The following SGPP1 variants were observed in gnomAD, a reference collection of about 807,000 sequenced individuals.
The protein encoded by SGPP1 is sphingosine-1-phosphate phosphatase 1, also known as hSPP1.
A neutral mutation model predicts 33.0 loss-of-function variants in SGPP1; 21 were observed. The ratio of observed to expected loss-of-function variants is 0.64; its 90% CI spans 0.45 to 0.92. The LOEUF (loss-of-function observed/expected upper bound fraction) is 0.92. Ranked by LOEUF, SGPP1 falls within the 40% of genes least tolerant of loss-of-function variation. SGPP1 has a pLI of 0.00. For synonymous variants in SGPP1, 239 were observed against 241.2 expected, an observed-to-expected ratio of 0.99 and a Z score of 0.08; for missense variants, 543 against 589.4, an observed-to-expected ratio of 0.92 and a Z score of 0.81.
At chr14:63,725,694 T>A in intron 1 of SGPP1, among the ~76,000 whole-genome samples, 1 of 152,156 alleles carries the variant, frequency 6.6e-6, no homozygotes, top group Non-Finnish European at 1.5e-5. Flanking sequence ...AGCAGTACTG[T>A]TTTCAGACTT....
chr14:63,689,102 TA>T, intron 2 of SGPP1, among the ~76,000 whole-genome samples: 1 of 152,300 alleles, frequency 6.6e-6, no homozygotes, highest in East Asian at 1.9e-4. Flanking sequence ...TTTTATTATA[TA>T]GGATTTGATA....
At position 63,724,992 on chromosome 14, in the gene SGPP1, A is replaced by G. The variant is rs190227676; in HGVS notation, c.684+2269T>C. Reference sequence around the variant, plus strand: ...TATAGTGAGACCCCGACTCTTAGGGAAAAAAAAAAGGAAAAAGGTTAAAAA... The same window carrying G: ...TATAGTGAGACCCCGACTCTTAGGGGAAAAAAAAAGGAAAAAGGTTAAAAA... On this transcript the variant is annotated intron_variant, in intron 1 of 2. Coordinates refer to ENST00000247225, the MANE Select transcript of SGPP1 (RefSeq NM_030791.4). Among the ~76,000 whole-genome samples the G allele has an allele frequency of 9.7e-4, 130 of 134,554 alleles. 2 individuals are homozygous for G. The East Asian group carries it at 0.013, about 13-fold the overall frequency. The allele number at this position is 134,554 out of a possible 152,430, so 88.3% of individuals were successfully genotyped here. A position where few individuals can be genotyped will look rare whatever the true frequency, so the allele number is the denominator to read the frequency against.
At chr14:63,719,726 CCTCT>C (rs113048516) in intron 1 of SGPP1, among the ~76,000 whole-genome samples, 12 of 148,746 alleles carry the variant, frequency 8.1e-5, no homozygotes, top group Admixed American at 2.7e-4. Flanking sequence ...TGCCTCTCTC[CCTCT>C]CTCTCTCTAT....
At chr14:63,721,480 T>C (rs1453388053) in intron 1 of SGPP1, among the ~76,000 whole-genome samples, 2 of 152,006 alleles carry the variant, frequency 1.3e-5, no homozygotes, top group Non-Finnish European at 2.9e-5. Context: ...TAAGGACTTA[T>C]AAACTCAGGA....
rs142453636 is a variant in SGPP1, at chr14:63,713,611, C to T, written c.684+13650G>A. Among the ~76,000 whole-genome samples, 883 of 152,168 alleles carry T rather than the reference C, an allele frequency of 5.8e-3. 9 individuals are homozygous for T. The highest frequency in any genetic ancestry group is 0.02 in the African/African-American group (823 of 41,546). On this transcript the variant is annotated intron_variant, in intron 1 of 2. Coordinates refer to ENST00000247225, the MANE Select transcript of SGPP1 (RefSeq NM_030791.4). The stretch of plus-strand genomic sequence containing the variant: ...TCTAAAATCCTGAAAATTAAAAACC[C>T]AAAATATTAAAATCCTGGAATTTGA...
At chr14:63,691,147 T>G (rs1477493362) in intron 2 of SGPP1, among the ~76,000 whole-genome samples, 1 of 152,240 alleles carries the variant, frequency 6.6e-6, no homozygotes, top group Non-Finnish European at 1.5e-5. Flanking sequence ...AAGTGATTCC[T>G]TTTATAACAG....
chr14:63,724,637 A>AAAAAGG (rs946035265), intron 1 of SGPP1, among the ~76,000 whole-genome samples: 3 of 149,536 alleles, frequency 2.0e-5, no homozygotes, highest in African/African-American at 5.0e-5. Context: ...AAAAAAAAAA[A>AAAAAGG]AAAAGGAAAA....
At position 63,727,711 on chromosome 14, in the gene SGPP1, G is replaced by T. The variant is rs1885919360; in HGVS notation, c.234C>A (p.Ala78=). Reference sequence around the variant, plus strand: ...TGGGGGCGCCGCCGCCGTCCGGCTTGGCCGGGCACTGATTGCGGTCGCTCC... The same window carrying T: ...TGGGGGCGCCGCCGCCGTCCGGCTTTGCCGGGCACTGATTGCGGTCGCTCC... ...PPGSDRNQCP[A]KPDGGGAPNG... is the part of the protein sequence containing the mutation. The change falls in exon 1 of 3, where the codon GCC becomes GCA. Residue 78 remains alanine, a synonymous_variant. Coordinates refer to ENST00000247225, the MANE Select transcript of SGPP1 (RefSeq NM_030791.4). 7.2e-7 allele frequency: 1 copy of T among 1,387,964 alleles called. No individual in the cohort carries two copies. Among genetic ancestry groups the T allele is most frequent in the Non-Finnish European group, 9.3e-7 (1 of 1,079,210 alleles). The allele number at this position is 1,387,964 out of a possible 1,614,324, so 86.0% of individuals were successfully genotyped here.
chr14:63,704,560 A>G (rs1320500592), intron 1 of SGPP1, among the ~76,000 whole-genome samples: 2 of 151,888 alleles, frequency 1.3e-5, no homozygotes, highest in Non-Finnish European at 2.9e-5. Flanking sequence ...TTTAGAAGAA[A>G]TCATAGGGGC....
intron 1 of SGPP1, among the ~76,000 whole-genome samples, chr14:63,723,387 C>G (rs1885815679): frequency 6.6e-6 from 1 of 152,122 alleles, no homozygotes; most frequent in Non-Finnish European, 1.5e-5. Flanking sequence ...TTACTTGGAG[C>G]TATACTATTC....
At chr14:63,704,050 C>T (rs1257558416) in intron 1 of SGPP1, among the ~76,000 whole-genome samples, 1 of 152,072 alleles carries the variant, frequency 6.6e-6, no homozygotes, top group Admixed American at 6.5e-5. Flanking sequence ...TGGTCTCCAA[C>T]TCCTGGGCTC....
intron 1 of SGPP1, among the ~76,000 whole-genome samples, chr14:63,724,495 C>G (rs12323754): frequency 6.6e-6 from 1 of 151,634 alleles, no homozygotes; most frequent in Admixed American, 6.6e-5. Flanking sequence ...CCCCCAGTTT[C>G]TAGGGGAAAG....
At position 63,685,404 on chromosome 14, in the gene SGPP1, C is replaced by T. The variant is rs1258911683; in HGVS notation, c.*701G>A. ...TTCAGTACCTGAATTATTAAACTGA[C>T]ATCCAGAATAGCTGCAAATAAAGTT... On this transcript the variant is annotated 3_prime_UTR_variant, in exon 3 of 3. Transcript: ENST00000247225. The T allele has an allele frequency of 1.3e-5, 2 of 152,354 alleles. No homozygotes were observed. The highest frequency in any genetic ancestry group is 3.9e-4 in the East Asian group (2 of 5,186). 9.4% of individuals were successfully genotyped at this position (152,354 alleles called of 1,614,324 possible). A position where few individuals can be genotyped will look rare whatever the true frequency, so the allele number is the denominator to read the frequency against.
intron 1 of SGPP1, among the ~76,000 whole-genome samples, chr14:63,718,990 ATATATATATATATATATATATATATT>A (rs1212727440): frequency 3.1e-4 from 5 of 15,908 alleles, no homozygotes; most frequent in Non-Finnish European, 4.8e-4. Context: ...ATATATATAT[ATATATATATATATATATATATATATT>A]TTTTTTTTTT....
At chr14:63,718,998 A>T (rs1566536615) in intron 1 of SGPP1, among the ~76,000 whole-genome samples, 1 of 21,080 alleles carries the variant, frequency 4.7e-5, no homozygotes, top group Non-Finnish European at 8.8e-5. Flanking sequence ...ATATATATAT[A>T]TATATATATA....
intron 1 of SGPP1, among the ~76,000 whole-genome samples, chr14:63,720,473 T>C (rs1037131169): frequency 6.7e-5 from 10 of 149,888 alleles, no homozygotes; most frequent in Non-Finnish European, 1.0e-4. Context: ...TAATAAACTA[T>C]ATAGGCCGGG....
At chr14:63,708,110 A>G (rs1446990161) in intron 1 of SGPP1, among the ~76,000 whole-genome samples, 1 of 152,128 alleles carries the variant, frequency 6.6e-6, no homozygotes, top group African/African-American at 2.4e-5. Flanking sequence ...CCCATTCCTC[A>G]GTCACAGCAA....
At chr14:63,713,659 T>C (rs35652888) in intron 1 of SGPP1, among the ~76,000 whole-genome samples, 48 of 152,110 alleles carry the variant, frequency 3.2e-4, no homozygotes, top group Non-Finnish European at 6.3e-4. Context: ...AGGGAAGAAA[T>C]TTAGCACATT....
intron 1 of SGPP1, among the ~76,000 whole-genome samples, chr14:63,726,984 A>G (rs565656322): frequency 3.9e-5 from 6 of 152,314 alleles, no homozygotes; most frequent in Middle Eastern, 3.4e-3. Context: ...CCAAAGCCCA[A>G]TGACAATGTA....
Sources: allele counts gnomAD v4.1 joint callset (sites outside exome capture counted in the v4.1 genomes callset), GRCh38; gene constraint gnomAD v4.1.1; transcripts MANE v1.5; gene names NCBI Gene and HGNC (gene_info 2026-07-23, HGNC 2026-07-21).